KCNRG: variants seen among roughly 807,000 people sequenced by gnomAD.
The protein encoded by KCNRG is potassium channel regulator.
In KCNRG, 17 loss-of-function variants were observed where a neutral mutation model predicts 17.7. The observed-to-expected ratio is 0.96, with a 90% CI of 0.66 to 1.44. The LOEUF is 1.44. Ranked by LOEUF, KCNRG falls within the 40% of genes most tolerant of loss-of-function variation. The pLI is 0.00. For synonymous variants in KCNRG, 97 were observed against 116.5 expected, an observed-to-expected ratio of 0.83 and a Z score of 1.08; for missense variants, 311 against 321.1, an observed-to-expected ratio of 0.97 and a Z score of 0.24.
rs763401147 is a variant in KCNRG at position 50,020,446 on chromosome 13, A to C, written c.811A>C (p.Lys271Gln). The change falls in exon 2 of 2, where the codon AAG (lysine) becomes CAG (glutamine). Residue 271 changes from lysine (K) to glutamine (Q), a missense_variant. Lys to Gln is a moderately conservative substitution (Grantham distance 53). Coordinates refer to ENST00000312942, the MANE Select transcript of KCNRG (RefSeq NM_173605.2). ...TIIIPEQSQIKK is the reference protein window; with the variant it reads ...TIIIPEQSQIQK ...CATCATACCAGAGCAATCTCAGATA[A>C]AGAAATGAAGTTGTCTATCCTCTTT... 1.2e-6 allele frequency: 2 copies of C among 1,612,512 alleles called. No individual in the cohort carries two copies. The highest frequency in any genetic ancestry group is 2.2e-5 in the South Asian group (2 of 90,870).
In KCNRG at chr13:50,020,378, C is replaced by T; in HGVS notation, c.743C>T (p.Pro248Leu). The change falls in exon 2 of 2, where the codon CCT (proline) becomes CTT (leucine). Residue 248 changes from proline (P) to leucine (L), a missense_variant. Coordinates refer to ENST00000312942, the MANE Select transcript of KCNRG (RefSeq NM_173605.2). ...TATAGCTTTGAAAGGATAAAAAGCCCTGAAGTGCTCATCACGAATGAAACA... is the reference window on the plus strand; with the variant it reads ...TATAGCTTTGAAAGGATAAAAAGCCTTGAAGTGCTCATCACGAATGAAACA... ...ECYSFERIKS[P>L]EVLITNETPK... The T allele has an allele frequency of 6.2e-7, 1 of 1,613,992 alleles. No homozygotes were observed. The highest frequency in any genetic ancestry group is 1.1e-5 in the South Asian group (1 of 91,076).
intron 1 of KCNRG, among the ~76,000 whole-genome samples, chr13:50,019,653 C>A (rs865877400): frequency 6.6e-6 from 1 of 152,082 alleles, no homozygotes; most frequent in African/African-American, 2.4e-5. Context: ...AAAGTGATCT[C>A]TCAAAAATTG....
intron 1 of KCNRG, chr13:50,017,797 C>T (rs1449010052): frequency 6.0e-6 from 1 of 166,938 alleles, no homozygotes; most frequent in Non-Finnish European, 1.5e-5. Flanking sequence ...ATTTTTTGCT[C>T]ACTCCCTGGT....
Position 50,020,362 on chromosome 13 carries a change from G to T in KCNRG, c.727G>T (p.Glu243Ter). Residue 243 changes from glutamate (E) to a stop codon, truncating the protein, a stop_gained, in exon 2 of 2, where the codon GAA (glutamate) becomes TAA (stop). Coordinates refer to ENST00000312942, the MANE Select transcript of KCNRG (RefSeq NM_173605.2). LOFTEE classifies it high-confidence loss of function. ...AGACAAAACTGAATGCTATAGCTTT[G>T]AAAGGATAAAAAGCCCTGAAGTGCT... ...SEDKTECYSF[E>*]RIKSPEVLIT... 6.2e-7 allele frequency: 1 copy of T among 1,614,028 alleles called. No individual in the cohort carries two copies. The highest frequency in any genetic ancestry group is 1.3e-5 in the African/African-American group (1 of 75,046).
At position 50,016,058 on chromosome 13, in the gene KCNRG, C is replaced by A; in HGVS notation, c.565C>A (p.Gln189Lys). ...TGGTTCTGACAGCACTACTGATAAC[C>A]AAACTGGAGTCAGGTATTTTGTACT... ...QCGSDSTTDN[Q>K]TGVRYVSIKP... Residue 189 changes from glutamine to lysine, a missense_variant, in exon 1 of 2, where the codon CAA becomes AAA. Transcript: ENST00000312942. 6.2e-7 allele frequency: 1 copy of A among 1,612,194 alleles called. No individual in the cohort carries two copies. The highest frequency in any genetic ancestry group is 1.1e-5 in the South Asian group (1 of 91,024).
In KCNRG at chr13:50,015,736, G is replaced by T; in HGVS notation, c.243G>T (p.Arg81Ser). The T allele has an allele frequency of 1.2e-6, 2 of 1,613,988 alleles. No homozygotes were observed. The highest frequency in any genetic ancestry group is 1.7e-6 in the Non-Finnish European group (2 of 1,179,928). Reference sequence around the variant, plus strand: ...CCACTGAATTTTCAGACTATCTTAGGCTTCAGAGAGAGGCTCTTTTCTATG... The same window carrying T: ...CCACTGAATTTTCAGACTATCTTAGTCTTCAGAGAGAGGCTCTTTTCTATG... ...LLPTEFSDYL[R>S]LQREALFYEL... Residue 81 changes from arginine (R) to serine (S), a missense_variant, in exon 1 of 2, where the codon AGG becomes AGT. Transcript: ENST00000312942.
Position 50,016,238 on chromosome 13 carries a change from C to T in KCNRG, c.578+167C>T, listed in dbSNP as rs1194319094. 8.4e-6 allele frequency: 5 copies of T among 595,902 alleles called. No individual in the cohort carries two copies. In the Admixed American group the frequency reaches 1.3e-4, roughly 15 times the overall value. 36.9% of individuals were successfully genotyped at this position (595,902 alleles called of 1,614,324 possible). On this transcript the variant is annotated intron_variant, in intron 1 of 1. Transcript: ENST00000312942. ...AATGACCAAATAATTATTTTCCAAA[C>T]TGGGATACTTTTTAGAGTGAAAGGG...
intron 1 of KCNRG, among the ~76,000 whole-genome samples, chr13:50,019,234 T>G (rs1008867151): frequency 5.9e-5 from 9 of 152,052 alleles, no homozygotes; most frequent in Non-Finnish European, 1.2e-4. Flanking sequence ...AAGCTCCGCC[T>G]CCTCATGTGC....
Position 50,015,891 on chromosome 13 carries a change from T to C in KCNRG, c.398T>C (p.Ile133Thr), listed in dbSNP as rs1266189900. The C allele has an allele frequency of 5.6e-6, 9 of 1,613,994 alleles. No individual in the cohort carries two copies. The highest frequency in any genetic ancestry group is 2.7e-5 in the African/African-American group (2 of 74,902). The change falls in exon 1 of 2, where the codon ATT (isoleucine) becomes ACT (threonine). Residue 133 changes from isoleucine (I) to threonine (T), a missense_variant. By Grantham distance (89) the Ile-to-Thr change is moderately conservative. Transcript: ENST00000312942. ...GTGTTTGGCTCTTGCAGCAAAACAA[T>C]TGAGATGCTAACAGGGAGGATTACA... ...FRVFGSCSKTIEMLTGRITVF... is the reference protein window; with the variant it reads ...FRVFGSCSKTTEMLTGRITVF...
Position 50,015,564 on chromosome 13 carries a change from A to T in KCNRG, c.71A>T (p.Lys24Met). ...KIFTTRFSTI[K>M]QFPASRLARM... is the part of the protein sequence containing the mutation. ...TTCACGACAAGGTTTTCTACGATAAAGCAGTTTCCTGCTTCTCGTTTGGCA... is the reference window on the plus strand; with the variant it reads ...TTCACGACAAGGTTTTCTACGATAATGCAGTTTCCTGCTTCTCGTTTGGCA... The change falls in exon 1 of 2, where the codon AAG becomes ATG. Residue 24 changes from lysine (K) to methionine (M), a missense_variant. Transcript: ENST00000312942. 7 of 1,614,112 alleles carry T rather than the reference A, an allele frequency of 4.3e-6. No homozygotes were observed. Among genetic ancestry groups the T allele is most frequent in the Non-Finnish European group, 5.9e-6 (7 of 1,179,980 alleles).
chr13:50,019,151 GT>G (rs11284044), intron 1 of KCNRG, among the ~76,000 whole-genome samples: 134,688 of 143,992 alleles, frequency 0.94, 63,468 homozygotes, highest in East Asian at 1. Flanking sequence ...TTTTTCTTTT[GT>G]TTTTTTTTTT....
rs1220751179 is a variant in KCNRG, at chr13:50,016,085, T to C, written c.578+14T>C. On this transcript the variant is annotated intron_variant, in intron 1 of 1. Coordinates refer to ENST00000312942, the MANE Select transcript of KCNRG (RefSeq NM_173605.2). ...AACTGGAGTCAGGTATTTTGTACTT[T>C]GCAGTATTTCTCTTGTATACCAGTT... 3.1e-6 allele frequency: 5 copies of C among 1,596,230 alleles called. No individual in the cohort carries two copies. Among genetic ancestry groups the C allele is most frequent in the Admixed American group, 3.4e-5 (2 of 59,582 alleles).
chr13:50,020,464 T>C lies in KCNRG; in HGVS notation c.*10T>C, dbSNP rs1877097559. 2 of 1,609,614 alleles carry C rather than the reference T, an allele frequency of 1.2e-6. No individual in the cohort carries two copies. Among genetic ancestry groups the C allele is most frequent in the African/African-American group, 1.3e-5 (1 of 74,496 alleles). The stretch of plus-strand genomic sequence containing the variant: ...TCAGATAAAGAAATGAAGTTGTCTA[T>C]CCTCTTTTAAAGAGAAATTGCCATT... On this transcript the variant is annotated 3_prime_UTR_variant, in exon 2 of 2. Coordinates refer to ENST00000312942, the MANE Select transcript of KCNRG (RefSeq NM_173605.2).
intron 1 of KCNRG, chr13:50,018,225 A>AT (rs1326639425): frequency 6.0e-6 from 1 of 166,932 alleles, no homozygotes; most frequent in African/African-American, 2.4e-5. Context: ...GTTTGTCCTC[A>AT]TAGGGAATCA....
intron 1 of KCNRG, chr13:50,016,307 G>A: frequency 2.3e-6 from 1 of 429,928 alleles, no homozygotes; most frequent in Non-Finnish European, 4.3e-6. Flanking sequence ...AGACTGCCCA[G>A]AAAAAACTGA....
chr13:50,017,834 T>C (rs1021459814), intron 1 of KCNRG: 1 of 167,072 alleles, frequency 6.0e-6, no homozygotes, highest in Admixed American at 6.5e-5. Flanking sequence ...ATTCAGATAT[T>C]TTTTGGTAGG....
chr13:50,020,583 G>A lies in KCNRG; in HGVS notation c.*129G>A. ...TCATCTGCTGCCATGCCGTCTCTGG[G>A]CAACCAGGCCCCAACTGTGCTTAAG... On this transcript the variant is annotated 3_prime_UTR_variant, in exon 2 of 2. Coordinates refer to ENST00000312942, the MANE Select transcript of KCNRG (RefSeq NM_173605.2). The A allele has an allele frequency of 1.1e-6, 1 of 937,642 alleles. No homozygotes were observed. The highest frequency in any genetic ancestry group is 1.6e-6 in the Non-Finnish European group (1 of 627,628). The allele number at this position is 937,642 out of a possible 1,614,324, so 58.1% of individuals were successfully genotyped here. A position where few individuals can be genotyped will look rare whatever the true frequency, so the allele number is the denominator to read the frequency against.
chr13:50,017,903 T>G (rs990710561), intron 1 of KCNRG: 3 of 167,064 alleles, frequency 1.8e-5, no homozygotes, highest in Non-Finnish European at 2.9e-5. Context: ...ATCATTCACT[T>G]TATTCAGTTT....
Position 50,020,324 on chromosome 13 carries a change from C to G in KCNRG, c.689C>G (p.Thr230Arg). The change falls in exon 2 of 2, where the codon ACA becomes AGA. Residue 230 changes from threonine to arginine, a missense_variant. Thr to Arg is a moderately conservative substitution (Grantham distance 71). Coordinates refer to ENST00000312942, the MANE Select transcript of KCNRG (RefSeq NM_173605.2). ...KEGFHLVSTR[T>R]VSSEDKTECY... ...GGCTTTCATTTGGTCAGCACTAGAA[C>G]AGTATCTTCTGAAGACAAAACTGAA... is the stretch of plus-strand genomic sequence containing the variant. 1 of 1,614,062 alleles carries G rather than the reference C, an allele frequency of 6.2e-7. No homozygotes were observed. Among genetic ancestry groups the G allele is most frequent in the Non-Finnish European group, 8.5e-7 (1 of 1,179,946 alleles).
Sources: gnomAD v4.1 joint callset for allele counts (sites outside exome capture counted in the v4.1 genomes callset) on GRCh38, gnomAD v4.1.1 for gene constraint, MANE v1.5 for transcripts, NCBI Gene and HGNC (gene_info 2026-07-23, HGNC 2026-07-21) for gene names.